The following ACTR3C variants were observed in gnomAD, a reference collection of about 807,000 sequenced individuals.
The protein encoded by ACTR3C is actin-related protein 3C.
In ACTR3C, 18 loss-of-function variants were observed where a neutral mutation model predicts 26.3. The ratio of observed to expected loss-of-function variants is 0.68; its 90% CI spans 0.47 to 1.01. The LOEUF (loss-of-function observed/expected upper bound fraction) is 1.01, where lower values mean the gene tolerates loss of function less well. ACTR3C is among the 50% of genes least tolerant of loss of function. The pLI, the probability that ACTR3C is intolerant of heterozygous loss-of-function variation, is 0.00. For synonymous variants in ACTR3C, 55 were observed against 94.5 expected, an observed-to-expected ratio of 0.58 and a Z score of 2.42; for missense variants, 184 against 250.7, an observed-to-expected ratio of 0.73 and a Z score of 1.80.
intron 1 of ACTR3C, among the ~76,000 whole-genome samples, chr7:150,309,613 T>C (rs955541619): frequency 2.6e-5 from 4 of 152,190 alleles, no homozygotes; most frequent in Middle Eastern, 3.2e-3. Context: ...ATCCTCCTCA[T>C]GGACCTTGAT....
At chr7:150,200,804 G>C in the ACTR3C span, among the ~76,000 whole-genome samples, 2,576 of 135,534 alleles carry the variant, frequency 0.019, 77 homozygotes, top group African/African-American at 0.065. Context: ...ATTACTGAGA[G>C]GGTTAAGTGA....
intron 6 of ACTR3C, among the ~76,000 whole-genome samples, chr7:150,280,991 C>T (rs960733300): frequency 1.3e-5 from 2 of 152,222 alleles, no homozygotes; most frequent in African/African-American, 4.8e-5. Context: ...GAGAGACGAC[C>T]TCTTCTGAAG....
the ACTR3C span, among the ~76,000 whole-genome samples, chr7:150,233,146 A>C: frequency 3.3e-4 from 50 of 151,940 alleles, no homozygotes; most frequent in African/African-American, 1.2e-3. Context: ...CTTACAGGGA[A>C]GGTCTGATGG....
chr7:149,947,991 C>T, the ACTR3C span, among the ~76,000 whole-genome samples: 1 of 151,312 alleles, frequency 6.6e-6, no homozygotes, highest in African/African-American at 2.4e-5. Flanking sequence ...TGGTGCAAAC[C>T]CACATCACTT....
the ACTR3C span, among the ~76,000 whole-genome samples, chr7:150,117,944 G>A: frequency 3.3e-5 from 5 of 152,156 alleles, no homozygotes; most frequent in African/African-American, 1.2e-4. Context: ...AGGCAAACAG[G>A]GCCTGGAGTG....
chr7:150,255,709 G>A (rs556668634), intron 6 of ACTR3C, among the ~76,000 whole-genome samples: 1 of 152,104 alleles, frequency 6.6e-6, no homozygotes, highest in African/African-American at 2.4e-5. Context: ...CAAGAGAGAA[G>A]TATTTTCACC....
chr7:150,193,949 A>T, the ACTR3C span, among the ~76,000 whole-genome samples: 1 of 144,592 alleles, frequency 6.9e-6, no homozygotes, highest in East Asian at 2.0e-4. Context: ...TGCCTGCTTT[A>T]AAAAAATATA....
the ACTR3C span, among the ~76,000 whole-genome samples, chr7:150,105,207 C>T: frequency 5.9e-5 from 9 of 151,550 alleles, no homozygotes; most frequent in East Asian, 1.9e-4. Context: ...CTAAGCCTCT[C>T]GAGTAGCTGA....
intron 6 of ACTR3C, among the ~76,000 whole-genome samples, chr7:150,250,989 G>A (rs1435184384): frequency 6.6e-6 from 1 of 152,194 alleles, no homozygotes; most frequent in African/African-American, 2.4e-5. Context: ...CCATACAAAT[G>A]TAAATATGGA....
the ACTR3C span, among the ~76,000 whole-genome samples, chr7:150,096,336 C>T: frequency 8.6e-5 from 13 of 151,224 alleles, 1 homozygote; most frequent in Non-Finnish European, 1.8e-4. Flanking sequence ...GAAGTGATTA[C>T]TCAGTAAATG....
At chr7:149,915,024 C>T in the ACTR3C span, among the ~76,000 whole-genome samples, 6 of 151,980 alleles carry the variant, frequency 3.9e-5, no homozygotes, top group East Asian at 1.9e-4. Flanking sequence ...GGACTACAGG[C>T]GTGTACCACC....
chr7:150,166,938 A>G, the ACTR3C span, among the ~76,000 whole-genome samples: 3 of 150,448 alleles, frequency 2.0e-5, no homozygotes, highest in Non-Finnish European at 4.4e-5. Flanking sequence ...TTCAACTAAC[A>G]TGACAACCTA....
the ACTR3C span, among the ~76,000 whole-genome samples, chr7:150,195,709 TCTCTA>T: frequency 6.6e-6 from 1 of 152,170 alleles, no homozygotes; most frequent in African/African-American, 2.4e-5. Context: ...TGAAACCTTG[TCTCTA>T]CTAAAAATAC....
chr7:150,170,437 CCA>C, the ACTR3C span, among the ~76,000 whole-genome samples: 8 of 107,962 alleles, frequency 7.4e-5, no homozygotes, highest in African/African-American at 2.4e-4. Context: ...CTCCTGGAAT[CCA>C]CATGTGATGA....
intron 6 of ACTR3C, among the ~76,000 whole-genome samples, chr7:150,265,857 G>A (rs1484229271): frequency 1.3e-5 from 2 of 152,018 alleles, no homozygotes; most frequent in African/African-American, 2.4e-5. Flanking sequence ...CTAGGAGCGG[G>A]GAGCATCTGA....
At chr7:150,139,343 T>TA in the ACTR3C span, among the ~76,000 whole-genome samples, 86 of 141,634 alleles carry the variant, frequency 6.1e-4, no homozygotes, top group East Asian at 8.0e-3. Context: ...CTGGCCCTGG[T>TA]AAAAAAAAAT....
At chr7:150,139,704 C>T in the ACTR3C span, among the ~76,000 whole-genome samples, 2 of 152,230 alleles carry the variant, frequency 1.3e-5, no homozygotes, top group Non-Finnish European at 2.9e-5. Context: ...TTTCCAGCTT[C>T]CTCATTAACA....
At chr7:150,194,489 T>A in the ACTR3C span, among the ~76,000 whole-genome samples, 1 of 149,750 alleles carries the variant, frequency 6.7e-6, no homozygotes, top group East Asian at 1.9e-4. Context: ...AAAAAGAGCT[T>A]ATAGTTTTTT....
chr7:150,043,886 T>G, the ACTR3C span, among the ~76,000 whole-genome samples: 15 of 152,310 alleles, frequency 9.8e-5, no homozygotes, highest in South Asian at 2.9e-3. Flanking sequence ...AAGGACACAT[T>G]AACAGAATGT....
Sources: gnomAD v4.1 joint callset for allele counts (sites outside exome capture counted in the v4.1 genomes callset) on GRCh38, gnomAD v4.1.1 for gene constraint, MANE v1.5 for transcripts, NCBI Gene and HGNC (gene_info 2026-07-23, HGNC 2026-07-21) for gene names.